Variants in RBFOX1 observed in about 807,000 individuals in gnomAD.
RBFOX1 encodes the protein RNA binding protein fox-1 homolog 1.
A neutral mutation model predicts 57.7 loss-of-function variants in RBFOX1; 8 were observed. The ratio of observed to expected loss-of-function variants is 0.14; its 90% CI spans 0.08 to 0.25. The LOEUF is 0.25. RBFOX1 is among the 10% of genes least tolerant of loss of function. The pLI, the probability that RBFOX1 is intolerant of heterozygous loss-of-function variation, is 1.00. For missense variants in RBFOX1, 611 were observed against 548.5 expected, an observed-to-expected ratio of 1.11 and a Z score of -1.14; for synonymous variants, 326 against 222.4, an observed-to-expected ratio of 1.47 and a Z score of -4.15.
intron 4 of RBFOX1, among the ~76,000 whole-genome samples, chr16:7,493,470 T>C (rs1252272248): frequency 1.3e-5 from 2 of 152,178 alleles, no homozygotes; most frequent in African/African-American, 2.4e-5. Flanking sequence ...TGCAGACAGA[T>C]TTAAGTAAGG....
chr16:7,215,975 G>A (rs1013761306), intron 4 of RBFOX1, among the ~76,000 whole-genome samples: 24 of 152,062 alleles, frequency 1.6e-4, no homozygotes, highest in Admixed American at 1.2e-3. Context: ...CGCACGCCTC[G>A]GCCTCCCAAA....
At chr16:7,480,710 A>C (rs1470938624) in intron 4 of RBFOX1, among the ~76,000 whole-genome samples, 1 of 152,172 alleles carries the variant, frequency 6.6e-6, no homozygotes. Context: ...TGCTGCCGAG[A>C]AATCTTCTGC....
intron 1 of RBFOX1, among the ~76,000 whole-genome samples, chr16:6,271,491 AG>A (rs2075214870): frequency 6.6e-6 from 1 of 152,192 alleles, no homozygotes; most frequent in Non-Finnish European, 1.5e-5. Context: ...AATTCAAAAC[AG>A]TAAAACAATA....
At chr16:6,274,642 C>G (rs1284253634) in intron 1 of RBFOX1, among the ~76,000 whole-genome samples, 1 of 152,100 alleles carries the variant, frequency 6.6e-6, no homozygotes, top group South Asian at 2.1e-4. Context: ...ATCACGCAAT[C>G]CCCTGATATC....
At chr16:7,434,974 C>A (rs2098710770) in intron 4 of RBFOX1, among the ~76,000 whole-genome samples, 1 of 152,104 alleles carries the variant, frequency 6.6e-6, no homozygotes, top group Non-Finnish European at 1.5e-5. Flanking sequence ...TGTTGACCTT[C>A]AGTGATCCGC....
chr16:6,212,847 C>G (rs2097307608), intron 1 of RBFOX1, among the ~76,000 whole-genome samples: 1 of 152,046 alleles, frequency 6.6e-6, no homozygotes, highest in Non-Finnish European at 1.5e-5. Context: ...TATTTGTAAC[C>G]TGAAAAAGGT....
At chr16:6,708,388 A>C (rs1240384426) in intron 3 of RBFOX1, among the ~76,000 whole-genome samples, 4 of 152,096 alleles carry the variant, frequency 2.6e-5, no homozygotes, top group African/African-American at 9.7e-5. Context: ...ATTTTTTCCT[A>C]AATCAGACAG....
intron 2 of RBFOX1, among the ~76,000 whole-genome samples, chr16:6,476,392 G>A (rs73524618): frequency 0.049 from 7,524 of 152,150 alleles, 536 homozygotes; most frequent in African/African-American, 0.16. Flanking sequence ...TCAGTTACAA[G>A]CCACTGCAAT....
chr16:5,259,772 C>G (rs567072976), intron 1 of RBFOX1, among the ~76,000 whole-genome samples: 1 of 152,306 alleles, frequency 6.6e-6, no homozygotes, highest in African/African-American at 2.4e-5. Context: ...ATCAGCAGAG[C>G]TGCCAAAAGC....
At chr16:7,479,296 G>T (rs896368619) in intron 4 of RBFOX1, among the ~76,000 whole-genome samples, 4 of 151,724 alleles carry the variant, frequency 2.6e-5, no homozygotes, top group African/African-American at 9.7e-5. Context: ...CTAATTTATT[G>T]TATTGTATAG....
At position 6,707,820 on chromosome 16, in the gene RBFOX1, C is replaced by T. The variant is rs540453151; in HGVS notation, c.-16+53170C>T. Among the ~76,000 whole-genome samples the T allele has an allele frequency of 6.8e-4, 103 of 152,152 alleles. 3 individuals carry two copies. In the South Asian group the frequency reaches 0.015, roughly 22 times the overall value. On this transcript the variant is annotated intron_variant, in intron 3 of 15. Coordinates refer to ENST00000550418, the MANE Select transcript of RBFOX1 (RefSeq NM_018723.4). Reference sequence around the variant, plus strand: ...CTTATTTATGTGTTCAATTTGCATCCGCCTTCTCCTTCCCCAAGCTCAAAG... The same window carrying T: ...CTTATTTATGTGTTCAATTTGCATCTGCCTTCTCCTTCCCCAAGCTCAAAG...
intron 2 of RBFOX1, among the ~76,000 whole-genome samples, chr16:6,558,674 C>G (rs1250263844): frequency 1.3e-5 from 2 of 152,044 alleles, no homozygotes; most frequent in Admixed American, 6.6e-5. Context: ...TTAAACAAAA[C>G]AAAACGCCCA....
intron 3 of RBFOX1, among the ~76,000 whole-genome samples, chr16:6,910,979 T>C (rs959273416): frequency 6.6e-6 from 1 of 152,052 alleles, no homozygotes; most frequent in African/African-American, 2.4e-5. Context: ...GACAGGCGGA[T>C]CACTTGAGGT....
chr16:5,720,221 T>C (rs1009539996), intron 3 of RBFOX1, among the ~76,000 whole-genome samples: 6 of 152,190 alleles, frequency 3.9e-5, no homozygotes, highest in African/African-American at 1.4e-4. Context: ...TAGTAGGTCT[T>C]TTTTGGAGAC....
chr16:6,222,752 C>T (rs1428090630), intron 1 of RBFOX1, among the ~76,000 whole-genome samples: 1 of 150,518 alleles, frequency 6.6e-6, no homozygotes, highest in Non-Finnish European at 1.5e-5. Context: ...GCACAATGTG[C>T]AGGTTAGTCA....
At chr16:7,056,620 C>A (rs758456426) in intron 4 of RBFOX1, among the ~76,000 whole-genome samples, 1 of 152,194 alleles carries the variant, frequency 6.6e-6, no homozygotes, top group Non-Finnish European at 1.5e-5. Context: ...CCTGAACTAT[C>A]TACCAGTTGA....
Position 7,183,048 on chromosome 16 carries a change from C to G in RBFOX1, c.27+130950C>G, listed in dbSNP as rs115248747. On this transcript the variant is annotated intron_variant, in intron 4 of 15. Transcript: ENST00000550418. ...TAATGGGCACACAACAATATTTTTGCTTAAACACATGTATAAGTAAGCGAA... is the reference window on the plus strand; with the variant it reads ...TAATGGGCACACAACAATATTTTTGGTTAAACACATGTATAAGTAAGCGAA... Among the ~76,000 whole-genome samples the G allele has an allele frequency of 5.6e-3, 845 of 152,228 alleles. 15 individuals are homozygous for G. Among genetic ancestry groups the G allele is most frequent in the African/African-American group, 0.019 (801 of 41,542 alleles).
chr16:5,713,446 A>G (rs914655827), intron 3 of RBFOX1, among the ~76,000 whole-genome samples: 1 of 152,302 alleles, frequency 6.6e-6, no homozygotes, highest in Admixed American at 6.5e-5. Flanking sequence ...TTTTTGAAGT[A>G]AAATATTTCC....
chr16:6,900,129 T>C (rs2068081077), intron 3 of RBFOX1, among the ~76,000 whole-genome samples: 1 of 151,206 alleles, frequency 6.6e-6, no homozygotes, highest in Non-Finnish European at 1.5e-5. Context: ...GAGTTTTTCT[T>C]TAGTTATTGC....
Sources: allele counts gnomAD v4.1 joint callset (sites outside exome capture counted in the v4.1 genomes callset), GRCh38; gene constraint gnomAD v4.1.1; transcripts MANE v1.5; gene names NCBI Gene and HGNC (gene_info 2026-07-23, HGNC 2026-07-21).